Variants in SPIRE1 observed in about 807,000 individuals in gnomAD.
The protein encoded by SPIRE1 is protein spire homolog 1.
Under a neutral mutation model 94.1 loss-of-function variants are expected in SPIRE1, and 40 were observed. That is an observed-to-expected ratio of 0.43 (90% confidence interval 0.33 to 0.55). SPIRE1 has a LOEUF of 0.55. SPIRE1 is among the 20% of genes least tolerant of loss of function. The probability of loss-of-function intolerance (pLI) is 0.06; values close to 1 mark genes in which losing one functional copy is unlikely to be tolerated. For synonymous variants in SPIRE1, 376 were observed against 371.7 expected (o/e 1.01, Z -0.13); for missense variants, 838 against 975.2 (o/e 0.86, Z 1.87).
chr18:12,644,993 C>T (rs1401579613), intron 1 of SPIRE1, among the ~76,000 whole-genome samples: 1 of 151,914 alleles, frequency 6.6e-6, no homozygotes, highest in Admixed American at 6.6e-5. Context: ...TACATGTAAC[C>T]CCAGTACTTT....
chr18:12,492,472 T>C (rs187421629), intron 8 of SPIRE1, among the ~76,000 whole-genome samples: 1 of 152,200 alleles, frequency 6.6e-6, no homozygotes, highest in Admixed American at 6.5e-5. Context: ...AAATAATAAC[T>C]GTAAAGGAAG....
At chr18:12,581,038 CTG>C (rs1270484886) in intron 2 of SPIRE1, among the ~76,000 whole-genome samples, 1 of 152,208 alleles carries the variant, frequency 6.6e-6, no homozygotes, top group Non-Finnish European at 1.5e-5. Context: ...TCCTAGCACA[CTG>C]TCTTGCACAT....
rs190782738 is a variant in SPIRE1, at chr18:12,565,707, T to C, written c.373-18803A>G. On this transcript the variant is annotated intron_variant, in intron 2 of 16. Coordinates refer to ENST00000409402, the MANE Select transcript of SPIRE1 (RefSeq NM_001128626.2). ...TCAAACAAATAAAAATGGAAGAAAT[T>C]TGTTGTCAGTAGACATGCCTTGCAA... 1.1e-3 allele frequency among the ~76,000 whole-genome samples: 167 copies of C among 151,446 alleles called. 5 individuals carry two copies. In the South Asian group the frequency reaches 0.012, roughly 11 times the overall value.
rs142380654 is a variant in SPIRE1, at chr18:12,577,848, TA to T, written c.373-30945del. On this transcript the variant is annotated intron_variant, in intron 2 of 16. Transcript: ENST00000409402. ...GAACTTGAGTCTAGAATGTATTTTT[TA>T]AAAAACAGAACTCAGTAAGATAAAC... Among the ~76,000 whole-genome samples the T allele has an allele frequency of 9.2e-3, 1,403 of 152,220 alleles. 30 individuals are homozygous for T. Among genetic ancestry groups the T allele is most frequent in the African/African-American group, 0.033 (1,355 of 41,546 alleles).
At chr18:12,594,652 TC>T (rs763402786) in intron 2 of SPIRE1, among the ~76,000 whole-genome samples, 38 of 152,336 alleles carry the variant, frequency 2.5e-4, no homozygotes, top group Non-Finnish European at 5.0e-4. Context: ...CTTTTGCTTA[TC>T]TTTATTTTCT....
At chr18:12,497,954 A>G (rs2033519874) in intron 6 of SPIRE1, among the ~76,000 whole-genome samples, 1 of 152,208 alleles carries the variant, frequency 6.6e-6, no homozygotes, top group Non-Finnish European at 1.5e-5. Context: ...CAGAAGCTGT[A>G]TCCTGGGTCC....
rs377196786 is a variant in SPIRE1, at chr18:12,635,020, G to T, written c.372+42C>A. The T allele has an allele frequency of 4.8e-6, 6 of 1,245,242 alleles. No homozygotes were observed. The South Asian group carries it at 5.2e-5, about 11-fold the overall frequency. 77.1% of individuals were successfully genotyped at this position (1,245,242 alleles called of 1,614,324 possible). ...TACTCAAGTTAGTCTAAACAGGACT[G>T]CAAAGCTGCTTTACTAAGAAATATT... On this transcript the variant is annotated intron_variant, in intron 2 of 16. Transcript: ENST00000409402.
chr18:12,637,102 G>A (rs1174744477), intron 1 of SPIRE1, among the ~76,000 whole-genome samples: 1 of 152,214 alleles, frequency 6.6e-6, no homozygotes, highest in East Asian at 1.9e-4. Flanking sequence ...GCTCACGCCT[G>A]TAATCCCAGC....
At chr18:12,646,125 C>G (rs1393468896) in intron 1 of SPIRE1, among the ~76,000 whole-genome samples, 3 of 152,120 alleles carry the variant, frequency 2.0e-5, no homozygotes, top group Non-Finnish European at 4.4e-5. Flanking sequence ...CATCCATGTA[C>G]TGCTGCTCTC....
At chr18:12,491,724 T>A (rs934052627) in intron 8 of SPIRE1, among the ~76,000 whole-genome samples, 5 of 152,076 alleles carry the variant, frequency 3.3e-5, no homozygotes, top group African/African-American at 1.2e-4. Context: ...GGCCCTGTCA[T>A]CACGAAGGTC....
chr18:12,467,208 G>C (rs994781710), intron 10 of SPIRE1, among the ~76,000 whole-genome samples: 1 of 152,162 alleles, frequency 6.6e-6, no homozygotes, highest in Non-Finnish European at 1.5e-5. Flanking sequence ...AACCCGGGAG[G>C]TGGAGGTTGC....
At chr18:12,615,341 A>ATATATAT (rs1555632314) in intron 2 of SPIRE1, among the ~76,000 whole-genome samples, 6 of 39,348 alleles carry the variant, frequency 1.5e-4, no homozygotes, top group Non-Finnish European at 3.3e-4. Context: ...AAAAAAAAAA[A>ATATATAT]AAAAATATAT....
intron 2 of SPIRE1, among the ~76,000 whole-genome samples, chr18:12,558,813 A>G (rs867603729): frequency 4.6e-5 from 7 of 151,852 alleles, no homozygotes; most frequent in Non-Finnish European, 8.8e-5. Flanking sequence ...GCTACACATA[A>G]AAGTTCTCCA....
chr18:12,604,573 G>T (rs2036921317), intron 2 of SPIRE1, among the ~76,000 whole-genome samples: 1 of 152,170 alleles, frequency 6.6e-6, no homozygotes, highest in African/African-American at 2.4e-5. Context: ...GAGTTGACAT[G>T]ATGGCCTCCG....
intron 5 of SPIRE1, 68 bp downstream of exon 5, chr18:12,512,386 C>CAAA: frequency 2.7e-5 from 28 of 1,032,158 alleles, no homozygotes; most frequent in Non-Finnish European, 3.2e-5. Flanking sequence ...GACTCTGTCT[C>CAAA]AAAAAAAAAA....
intron 10 of SPIRE1, among the ~76,000 whole-genome samples, chr18:12,475,633 T>C (rs986116605): frequency 4.6e-5 from 7 of 152,208 alleles, no homozygotes; most frequent in Non-Finnish European, 8.8e-5. Context: ...TGACATGGGA[T>C]GTATTTAACA....
chr18:12,525,272 G>A (rs1266496261), intron 4 of SPIRE1, among the ~76,000 whole-genome samples: 11 of 59,122 alleles, frequency 1.9e-4, no homozygotes, highest in African/African-American at 9.2e-4. Context: ...GTGAGACTCC[G>A]TCTCAAAAAA....
chr18:12,572,609 G>A (rs549007487), intron 2 of SPIRE1, among the ~76,000 whole-genome samples: 11 of 152,104 alleles, frequency 7.2e-5, no homozygotes, highest in African/African-American at 1.9e-4. Context: ...ACCCTGTCTC[G>A]AAAACAAAAC....
chr18:12,528,013 C>T (rs554965646), intron 4 of SPIRE1, among the ~76,000 whole-genome samples: 20 of 150,288 alleles, frequency 1.3e-4, no homozygotes, highest in South Asian at 2.1e-4. Flanking sequence ...TTGCAGATTG[C>T]GCCACTGCAC....
Sources: allele counts gnomAD v4.1 joint callset (sites outside exome capture counted in the v4.1 genomes callset), GRCh38; gene constraint gnomAD v4.1.1; transcripts MANE v1.5; gene names NCBI Gene and HGNC (gene_info 2026-07-23, HGNC 2026-07-21).